Variants in EML4 observed in about 807,000 individuals in gnomAD.
EML4 encodes echinoderm microtubule-associated protein-like 4.
A neutral mutation model predicts 129.0 loss-of-function variants in EML4; 72 were observed. The observed-to-expected ratio is 0.56, with a 90% CI of 0.46 to 0.68. The LOEUF is 0.68. Among genes scored for constraint, EML4 ranks in the 30% least tolerant of loss-of-function variants. EML4 has a pLI of 0.00. For synonymous variants in EML4, 532 were observed against 405.0 expected (o/e 1.31, Z -3.77); for missense variants, 1,363 against 1,190.6 (o/e 1.14, Z -2.13).
At chr2:42,269,338 A>G (rs1440231227) in intron 6 of EML4, among the ~76,000 whole-genome samples, 1 of 152,220 alleles carries the variant, frequency 6.6e-6, no homozygotes, top group African/African-American at 2.4e-5. Context: ...AACAGGTTAC[A>G]GTTCTGATGT....
chr2:42,321,680 T>A (rs1015654837), intron 19 of EML4, among the ~76,000 whole-genome samples: 1 of 152,110 alleles, frequency 6.6e-6, no homozygotes, highest in Non-Finnish European at 1.5e-5. Context: ...AGCTGGGAAA[T>A]AATAGTGTTC....
intron 1 of EML4, among the ~76,000 whole-genome samples, chr2:42,206,528 A>C (rs1672552439): frequency 6.6e-6 from 1 of 152,106 alleles, no homozygotes. Context: ...TTTAGTTTTT[A>C]TGCCTAGTTT....
rs77130854 is a variant in EML4, at chr2:42,218,709, A to G, written c.26-26796A>G. 7.2e-3 allele frequency among the ~76,000 whole-genome samples: 1,104 copies of G among 152,320 alleles called. 15 individuals are homozygous for G. The highest frequency in any genetic ancestry group is 0.025 in the African/African-American group (1,042 of 41,564). ...TCCATACAGCACAATACAATTCCATACTAAAGTACAAGAGTCCTCCTTTAA... is the reference window on the plus strand; with the variant it reads ...TCCATACAGCACAATACAATTCCATGCTAAAGTACAAGAGTCCTCCTTTAA... On this transcript the variant is annotated intron_variant, in intron 1 of 22. Transcript: ENST00000318522.
chr2:42,227,153 C>G (rs1674019417), intron 1 of EML4, among the ~76,000 whole-genome samples: 1 of 152,058 alleles, frequency 6.6e-6, no homozygotes, highest in South Asian at 2.1e-4. Context: ...CTCTGTTGCC[C>G]AGCTGGAGTG....
At chr2:42,277,134 T>C (rs1048053371) in intron 6 of EML4, among the ~76,000 whole-genome samples, 1 of 152,208 alleles carries the variant, frequency 6.6e-6, no homozygotes, top group Non-Finnish European at 1.5e-5. Flanking sequence ...TAGAAGCATC[T>C]ATTAAATGTC....
At chr2:42,190,891 AT>A (rs997237711) in intron 1 of EML4, among the ~76,000 whole-genome samples, 2 of 152,026 alleles carry the variant, frequency 1.3e-5, no homozygotes, top group African/African-American at 4.8e-5. Flanking sequence ...TCTTTTACTC[AT>A]TTTTTTCCCC....
intron 17 of EML4, among the ~76,000 whole-genome samples, chr2:42,308,655 G>T (rs1385195520): frequency 6.6e-6 from 1 of 152,054 alleles, no homozygotes; most frequent in African/African-American, 2.4e-5. Context: ...AGTTCACAGG[G>T]TTATGCAGCT....
chr2:42,323,428 G>A (rs531002948), intron 19 of EML4, among the ~76,000 whole-genome samples: 2 of 152,132 alleles, frequency 1.3e-5, no homozygotes, highest in African/African-American at 4.8e-5. Context: ...CTTAATTCTA[G>A]TGATTTCAGA....
intron 1 of EML4, among the ~76,000 whole-genome samples, chr2:42,227,150 G>T (rs1300813304): frequency 6.6e-6 from 1 of 151,594 alleles, no homozygotes; most frequent in Non-Finnish European, 1.5e-5. Context: ...TCGCTCTGTT[G>T]CCCAGCTGGA....
chr2:42,219,166 T>C (rs983569226), intron 1 of EML4, among the ~76,000 whole-genome samples: 2 of 152,210 alleles, frequency 1.3e-5, no homozygotes, highest in African/African-American at 2.4e-5. Context: ...AGAAACGGCA[T>C]CAAATAAGGA....
intron 6 of EML4, among the ~76,000 whole-genome samples, chr2:42,279,368 A>G (rs954639694): frequency 1.1e-4 from 17 of 151,898 alleles, no homozygotes; most frequent in Non-Finnish European, 2.2e-4. Context: ...AGGAACCTTC[A>G]TCCTGCTTTC....
chr2:42,262,774 A>G (rs1409425818), intron 4 of EML4, among the ~76,000 whole-genome samples: 2 of 152,202 alleles, frequency 1.3e-5, no homozygotes, highest in Admixed American at 1.3e-4. Flanking sequence ...ACCATATGTA[A>G]TGTAATTACC....
chr2:42,305,907 C>A (rs1320150369), intron 17 of EML4, among the ~76,000 whole-genome samples: 1 of 152,028 alleles, frequency 6.6e-6, no homozygotes, highest in South Asian at 2.1e-4. Flanking sequence ...AGCGATTTTT[C>A]CTTCTGGCTG....
At chr2:42,230,005 G>A (rs1674227236) in intron 1 of EML4, among the ~76,000 whole-genome samples, 1 of 152,006 alleles carries the variant, frequency 6.6e-6, no homozygotes, top group Non-Finnish European at 1.5e-5. Flanking sequence ...TTTCTATCAT[G>A]CAATTATTGG....
chr2:42,295,402 G>C lies in EML4; in HGVS notation c.1375G>C (p.Val459Leu), dbSNP rs201233838. Residue 459 changes from valine (V) to leucine (L), a missense_variant, in exon 13 of 23, where the codon GTG becomes CTG. Coordinates refer to ENST00000318522, the MANE Select transcript of EML4 (RefSeq NM_019063.5). ...GTAGAAATATGAAAAGCCAAAATTT[G>C]TGCAGTGTTTAGCATTCTTGGGGAA... Reference protein sequence around the residue: ...IFGKYEKPKFVQCLAFLGNGD... With the variant: ...IFGKYEKPKFLQCLAFLGNGD... 79 of 1,612,778 alleles carry C rather than the reference G, an allele frequency of 4.9e-5. No homozygotes were observed. Among genetic ancestry groups the C allele is most frequent in the Admixed American group, 6.7e-5 (4 of 59,714 alleles).
intron 3 of EML4, among the ~76,000 whole-genome samples, 187 bp from the exon 4 acceptor site, chr2:42,260,934 T>C (rs1665695918): frequency 1.3e-5 from 2 of 152,210 alleles, no homozygotes; most frequent in Admixed American, 1.3e-4. Context: ...TTATAAATTC[T>C]TTACTGAAGA....
At position 42,286,332 on chromosome 2, in the gene EML4, C is replaced by G; in HGVS notation, c.1075C>G (p.Leu359Val). 2.5e-6 allele frequency: 4 copies of G among 1,613,998 alleles called. No individual in the cohort carries two copies. The highest frequency in any genetic ancestry group is 2.5e-6 in the Non-Finnish European group (3 of 1,179,890). The change falls in exon 10 of 23, where the codon CTT becomes GTT. Residue 359 changes from leucine (L) to valine (V), a missense_variant. Leu to Val is a conservative substitution (Grantham distance 32). Coordinates refer to ENST00000318522, the MANE Select transcript of EML4 (RefSeq NM_019063.5). Reference sequence around the variant, plus strand: ...TCTATCCACACTGCAGATTATTGGACTTGGCACTTTTGAGCGTGGAGTAGG... The same window carrying G: ...TCTATCCACACTGCAGATTATTGGAGTTGGCACTTTTGAGCGTGGAGTAGG... ...VTLSTLQIIG[L>V]GTFERGVGCL... is the part of the protein sequence containing the mutation.
intron 1 of EML4, among the ~76,000 whole-genome samples, chr2:42,187,679 A>ATTTT (rs1671341224): frequency 1.3e-5 from 2 of 151,222 alleles, no homozygotes; most frequent in African/African-American, 2.4e-5. Context: ...TTTTTTTTAA[A>ATTTT]AAAAAATGGT....
intron 17 of EML4, among the ~76,000 whole-genome samples, chr2:42,314,453 A>G (rs540009921): frequency 2.0e-5 from 3 of 152,314 alleles, no homozygotes; most frequent in African/African-American, 7.2e-5. Flanking sequence ...TAGGCAGCTA[A>G]CCTAATTCTG....
Sources: gnomAD v4.1 joint callset for allele counts (sites outside exome capture counted in the v4.1 genomes callset) on GRCh38, gnomAD v4.1.1 for gene constraint, MANE v1.5 for transcripts, NCBI Gene and HGNC (gene_info 2026-07-23, HGNC 2026-07-21) for gene names.